Variants in LPP observed in about 807,000 individuals in gnomAD.
The protein encoded by LPP is LIM domain containing preferred translocation partner in lipoma.
In LPP, 38 loss-of-function variants were observed where a neutral mutation model predicts 60.4. The observed-to-expected ratio is 0.63, with a 90% CI of 0.49 to 0.83. The LOEUF is 0.83. Ranked by LOEUF, LPP falls within the 40% of genes least tolerant of loss-of-function variation. The probability of loss-of-function intolerance (pLI) is 0.00; values close to 1 mark genes in which losing one functional copy is unlikely to be tolerated. For missense variants in LPP, 902 were observed against 783.6 expected (o/e 1.15, Z -1.80); for synonymous variants, 328 against 290.8 (o/e 1.13, Z -1.30).
chr3:188,758,642 T>G (rs1372708969), intron 8 of LPP: 1 of 152,184 alleles, frequency 6.6e-6, no homozygotes, highest in African/African-American at 2.4e-5. Context: ...CCCTCCCATG[T>G]TTGAGTGTGA....
chr3:188,662,915 A>G (rs1854914661), intron 7 of LPP, among the ~76,000 whole-genome samples: 1 of 152,406 alleles, frequency 6.6e-6, no homozygotes, highest in African/African-American at 2.4e-5. Context: ...AGAAAAGATC[A>G]AATTCCCTGT....
intron 6 of LPP, among the ~76,000 whole-genome samples, chr3:188,556,205 C>T (rs569241480): frequency 1.6e-4 from 25 of 152,150 alleles, no homozygotes; most frequent in African/African-American, 5.8e-4. Context: ...TTGTCAAAGT[C>T]GAGGCCCCTC....
chr3:188,371,964 G>A (rs1773395274), intron 3 of LPP, among the ~76,000 whole-genome samples: 1 of 151,166 alleles, frequency 6.6e-6, no homozygotes, highest in African/African-American at 2.4e-5. Context: ...GGCCAGTTGT[G>A]GGAATTTTAT....
chr3:188,465,052 A>G (rs1800041486), intron 4 of LPP, among the ~76,000 whole-genome samples: 1 of 151,854 alleles, frequency 6.6e-6, no homozygotes, highest in Non-Finnish European at 1.5e-5. Context: ...AGGGGATACC[A>G]TGATCTTTTT....
At chr3:188,874,035 A>C (rs1768870017) in intron 11 of LPP, among the ~76,000 whole-genome samples, 1 of 152,118 alleles carries the variant, frequency 6.6e-6, no homozygotes, top group Non-Finnish European at 1.5e-5. Context: ...GAGTGGGGGC[A>C]GCAAACTTCT....
At chr3:188,213,981 C>CACACACA (rs1418472427) in intron 1 of LPP, among the ~76,000 whole-genome samples, 1 of 151,532 alleles carries the variant, frequency 6.6e-6, no homozygotes, top group Non-Finnish European at 1.5e-5. Context: ...CACACACACA[C>CACACACA]ACACACACAC....
chr3:188,566,403 A>G (rs550040584), intron 6 of LPP, among the ~76,000 whole-genome samples: 1 of 151,918 alleles, frequency 6.6e-6, no homozygotes, highest in Non-Finnish European at 1.5e-5. Flanking sequence ...TTTCTGTATC[A>G]TATTTCATGT....
chr3:188,827,222 A>G (rs1190024795), intron 9 of LPP, among the ~76,000 whole-genome samples: 1 of 152,194 alleles, frequency 6.6e-6, no homozygotes, highest in African/African-American at 2.4e-5. Context: ...TCCAGATCAC[A>G]TAGTGAGTGA....
At chr3:188,795,738 G>A (rs530127875) in intron 9 of LPP, among the ~76,000 whole-genome samples, 66 of 152,144 alleles carry the variant, frequency 4.3e-4, no homozygotes, top group African/African-American at 1.5e-3. Context: ...AGCTACTGTG[G>A]ATCAGCATAC....
At chr3:188,387,503 G>T (rs914654331) in intron 3 of LPP, among the ~76,000 whole-genome samples, 1 of 151,604 alleles carries the variant, frequency 6.6e-6, no homozygotes, top group Admixed American at 6.6e-5. Flanking sequence ...CATAAATGTA[G>T]CTTACTTCTT....
chr3:188,751,971 T>C (rs1006960315), intron 8 of LPP, among the ~76,000 whole-genome samples: 3 of 152,274 alleles, frequency 2.0e-5, no homozygotes, highest in Admixed American at 1.3e-4. Context: ...CTCAGAGACA[T>C]AGGGACCTCT....
chr3:188,641,510 A>G (rs961167491), intron 7 of LPP, among the ~76,000 whole-genome samples: 7 of 152,186 alleles, frequency 4.6e-5, no homozygotes, highest in African/African-American at 1.7e-4. Flanking sequence ...TATGTTCAGC[A>G]CAGTAATAAG....
chr3:188,763,194 G>C (rs773938352), intron 9 of LPP, among the ~76,000 whole-genome samples: 3 of 151,818 alleles, frequency 2.0e-5, no homozygotes, highest in Non-Finnish European at 4.4e-5. Context: ...ATGTCTAAAA[G>C]GTATTCCATA....
At chr3:188,722,096 C>T (rs572654129) in intron 8 of LPP, among the ~76,000 whole-genome samples, 1 of 152,154 alleles carries the variant, frequency 6.6e-6, no homozygotes, top group Non-Finnish European at 1.5e-5. Context: ...TCCTAGATCA[C>T]TTTATGCTCT....
intron 1 of LPP, among the ~76,000 whole-genome samples, chr3:188,175,118 G>T (rs1396235324): frequency 1.3e-5 from 2 of 151,980 alleles, no homozygotes; most frequent in Non-Finnish European, 2.9e-5. Flanking sequence ...TCAGAGTCTC[G>T]CTCTGTCGCT....
intron 9 of LPP, among the ~76,000 whole-genome samples, chr3:188,818,692 T>C (rs1007479592): frequency 1.3e-5 from 2 of 152,330 alleles, no homozygotes; most frequent in Admixed American, 6.5e-5. Context: ...CCCAGCTTTA[T>C]TTCCTAACAG....
chr3:188,597,577 A>C (rs1840227564), intron 6 of LPP, among the ~76,000 whole-genome samples: 1 of 152,114 alleles, frequency 6.6e-6, no homozygotes, highest in Admixed American at 6.6e-5. Flanking sequence ...CAGCTAAGAA[A>C]CCCAATGTTT....
At chr3:188,831,917 T>G (rs1757236460) in intron 9 of LPP, among the ~76,000 whole-genome samples, 1 of 152,182 alleles carries the variant, frequency 6.6e-6, no homozygotes, top group East Asian at 1.9e-4. Flanking sequence ...CATAAAGATG[T>G]GCTATATATG....
intron 4 of LPP, among the ~76,000 whole-genome samples, chr3:188,407,740 G>A (rs1783860730): frequency 1.3e-5 from 2 of 150,910 alleles, no homozygotes; most frequent in African/African-American, 4.9e-5. Context: ...GGGACAGGAG[G>A]AGCCATATGT....
Sources: allele counts gnomAD v4.1 joint callset (sites outside exome capture counted in the v4.1 genomes callset), GRCh38; gene constraint gnomAD v4.1.1; transcripts MANE v1.5; gene names NCBI Gene and HGNC (gene_info 2026-07-23, HGNC 2026-07-21).